Variants in JAZF1 observed in about 807,000 individuals in gnomAD.
JAZF1 encodes the protein juxtaposed with another zinc finger protein 1.
In JAZF1, 8 loss-of-function variants were observed where a neutral mutation model predicts 26.4. The ratio of observed to expected loss-of-function variants is 0.30; its 90% CI spans 0.18 to 0.55. JAZF1 has a LOEUF of 0.55. Among genes scored for constraint, JAZF1 ranks in the 20% least tolerant of loss-of-function variants. JAZF1 has a pLI of 0.94. For synonymous variants in JAZF1, 126 were observed against 122.3 expected, an observed-to-expected ratio of 1.03 and a Z score of -0.20; for missense variants, 199 against 322.0, an observed-to-expected ratio of 0.62 and a Z score of 2.92.
At chr7:28,050,882 C>A (rs892463448) in intron 1 of JAZF1, among the ~76,000 whole-genome samples, 16 of 152,014 alleles carry the variant, frequency 1.1e-4, no homozygotes, top group African/African-American at 3.9e-4. Context: ...GCCTGTAATC[C>A]CAGCACTTTG....
intron 1 of JAZF1, among the ~76,000 whole-genome samples, chr7:28,060,147 A>T (rs1467146486): frequency 6.6e-6 from 1 of 151,912 alleles, no homozygotes; most frequent in Non-Finnish European, 1.5e-5. Context: ...TTTTAATTTA[A>T]ATTTCTATAT....
chr7:28,081,922 G>A (rs1784143341), intron 1 of JAZF1, among the ~76,000 whole-genome samples: 2 of 152,166 alleles, frequency 1.3e-5, no homozygotes, highest in South Asian at 4.1e-4. Flanking sequence ...CTATATACCT[G>A]GATGATACTA....
At chr7:27,961,999 C>T (rs561296677) in intron 2 of JAZF1, among the ~76,000 whole-genome samples, 57 of 152,244 alleles carry the variant, frequency 3.7e-4, no homozygotes, top group South Asian at 2.5e-3. Context: ...TTTTTGAGCT[C>T]TGTTACCTTA....
At chr7:27,965,305 T>C (rs1785254536) in intron 2 of JAZF1, among the ~76,000 whole-genome samples, 1 of 152,192 alleles carries the variant, frequency 6.6e-6, no homozygotes, top group South Asian at 2.1e-4. Context: ...ATTCAAAGTC[T>C]AAGAAAGTAA....
rs1161305642 is a variant in JAZF1, at chr7:27,854,061, G to C, written c.386-13194C>G. Among the ~76,000 whole-genome samples the C allele has an allele frequency of 2.6e-5, 4 of 152,130 alleles. No individual in the cohort carries two copies. In the East Asian group the frequency reaches 7.7e-4, roughly 29 times the overall value. On this transcript the variant is annotated intron_variant, in intron 3 of 4. Transcript: ENST00000283928. ...TTATGAATCTGCATGCTCCTGTTTT[G>C]GGTGCGTATATATTTAGGATAGTTA...
At chr7:27,882,667 T>C (rs1252674029) in intron 3 of JAZF1, among the ~76,000 whole-genome samples, 2 of 152,230 alleles carry the variant, frequency 1.3e-5, no homozygotes, top group African/African-American at 2.4e-5. Context: ...CTCAGTTTTC[T>C]GCAGGTTCTT....
At chr7:28,163,200 C>A (rs540160130) in intron 1 of JAZF1, among the ~76,000 whole-genome samples, 1 of 152,340 alleles carries the variant, frequency 6.6e-6, no homozygotes, top group South Asian at 2.1e-4. Flanking sequence ...TCAGTTTGCA[C>A]ATGGAAAAAT....
chr7:28,009,208 G>A (rs1470329223), intron 1 of JAZF1, among the ~76,000 whole-genome samples: 3 of 151,616 alleles, frequency 2.0e-5, no homozygotes, highest in African/African-American at 7.3e-5. Context: ...TCTATGGCTT[G>A]GTTTTAAAAG....
chr7:27,913,302 T>C, intron 2 of JAZF1: 1 of 367,172 alleles, frequency 2.7e-6, no homozygotes, highest in Non-Finnish European at 5.4e-6. Context: ...TTTGTGTGTG[T>C]GTGTGTAGCC....
chr7:28,145,769 T>G (rs979149920), intron 1 of JAZF1, among the ~76,000 whole-genome samples: 1 of 152,038 alleles, frequency 6.6e-6, no homozygotes, highest in Non-Finnish European at 1.5e-5. Flanking sequence ...CCCTTGTGCT[T>G]CTTCGTACAA....
intron 2 of JAZF1, among the ~76,000 whole-genome samples, chr7:27,975,530 G>T (rs940760120): frequency 5.3e-5 from 8 of 152,188 alleles, no homozygotes; most frequent in African/African-American, 1.9e-4. Context: ...CACAGCAGGG[G>T]AAACAGTGGA....
At chr7:28,085,838 T>C (rs1784204792) in intron 1 of JAZF1, among the ~76,000 whole-genome samples, 2 of 152,380 alleles carry the variant, frequency 1.3e-5, no homozygotes, top group South Asian at 4.1e-4. Flanking sequence ...GTGAGGCTTT[T>C]ACATTTTTAC....
At chr7:27,961,131 T>C (rs1024368634) in intron 2 of JAZF1, among the ~76,000 whole-genome samples, 4 of 152,262 alleles carry the variant, frequency 2.6e-5, no homozygotes, top group African/African-American at 9.6e-5. Context: ...CTAACTGTTT[T>C]ACAAACATTA....
intron 2 of JAZF1, among the ~76,000 whole-genome samples, chr7:27,955,961 T>A (rs1785081955): frequency 1.3e-5 from 2 of 152,258 alleles, no homozygotes; most frequent in South Asian, 4.2e-4. Flanking sequence ...TGGAAGAGCA[T>A]CTCATGGGAT....
At chr7:27,993,737 A>G (rs1785954165) in intron 1 of JAZF1, among the ~76,000 whole-genome samples, 1 of 152,178 alleles carries the variant, frequency 6.6e-6, no homozygotes, top group Non-Finnish European at 1.5e-5. Flanking sequence ...AGAACAGGGC[A>G]ATGTAGAAAA....
At chr7:27,833,921 G>A (rs902701787) in intron 4 of JAZF1, among the ~76,000 whole-genome samples, 2 of 152,294 alleles carry the variant, frequency 1.3e-5, no homozygotes, top group South Asian at 4.1e-4. Context: ...AGGGACGGCG[G>A]ACGTGTGGTA....
chr7:27,867,817 TC>T (rs1338179167), intron 3 of JAZF1, among the ~76,000 whole-genome samples: 13 of 152,340 alleles, frequency 8.5e-5, no homozygotes, highest in African/African-American at 3.1e-4. Flanking sequence ...GCCATTCATG[TC>T]CTACATGCTT....
intron 2 of JAZF1, among the ~76,000 whole-genome samples, chr7:27,907,753 A>G (rs1784288020): frequency 6.6e-6 from 1 of 152,202 alleles, no homozygotes; most frequent in African/African-American, 2.4e-5. Context: ...GGTCTCAAAT[A>G]GGTAGGGTTT....
chr7:28,173,247 T>C (rs576647331), intron 1 of JAZF1, among the ~76,000 whole-genome samples: 91 of 152,308 alleles, frequency 6.0e-4, no homozygotes, highest in African/African-American at 2.0e-3. Context: ...TCTGTACATG[T>C]CTGGTCTCTC....
Sources: allele counts gnomAD v4.1 joint callset (sites outside exome capture counted in the v4.1 genomes callset), GRCh38; gene constraint gnomAD v4.1.1; transcripts MANE v1.5; gene names NCBI Gene and HGNC (gene_info 2026-07-23, HGNC 2026-07-21).